The following TSPAN13 variants were observed in gnomAD, a reference collection of about 807,000 sequenced individuals.
TSPAN13 encodes tetraspanin-13.
A neutral mutation model predicts 26.9 loss-of-function variants in TSPAN13; 18 were observed. That is an observed-to-expected ratio of 0.67 (90% CI 0.46 to 0.99). The LOEUF is 0.99. Among genes scored for constraint, TSPAN13 ranks in the 50% least tolerant of loss-of-function variants. The pLI, the probability that TSPAN13 is intolerant of heterozygous loss-of-function variation, is 0.00. For missense variants in TSPAN13, 201 were observed against 249.6 expected, an observed-to-expected ratio of 0.81 and a Z score of 1.31; for synonymous variants, 116 against 98.4, an observed-to-expected ratio of 1.18 and a Z score of -1.06.
chr7:16,759,338 G>A (rs984170361), intron 1 of TSPAN13, among the ~76,000 whole-genome samples: 3 of 152,150 alleles, frequency 2.0e-5, no homozygotes, highest in African/African-American at 7.2e-5. Flanking sequence ...TTACAATCAT[G>A]GCAGAAGGGG....
chr7:16,771,514 G>A (rs73071801), intron 1 of TSPAN13, among the ~76,000 whole-genome samples: 6,862 of 152,316 alleles, frequency 0.045, 263 homozygotes, highest in African/African-American at 0.1. Flanking sequence ...CCTTGGAAGA[G>A]GGAGGAAAGA....
At chr7:16,771,136 C>CA (rs1161369182) in intron 1 of TSPAN13, among the ~76,000 whole-genome samples, 1 of 152,228 alleles carries the variant, frequency 6.6e-6, no homozygotes, top group Non-Finnish European at 1.5e-5. Flanking sequence ...TGGGACCCCA[C>CA]AGCACCAGCT....
intron 1 of TSPAN13, among the ~76,000 whole-genome samples, chr7:16,770,914 C>T (rs1784667065): frequency 6.6e-6 from 1 of 152,172 alleles, no homozygotes; most frequent in Non-Finnish European, 1.5e-5. Context: ...GTTTCTCTTT[C>T]TTGAAAACTT....
chr7:16,765,196 G>C (rs1360557585), intron 1 of TSPAN13, among the ~76,000 whole-genome samples: 1 of 152,062 alleles, frequency 6.6e-6, no homozygotes, highest in Non-Finnish European at 1.5e-5. Flanking sequence ...TTGACCTCCT[G>C]GGCTGAAGCT....
rs1784769399 is a variant in TSPAN13, at chr7:16,777,716, C to CT, written c.313-80dup. On this transcript the variant is annotated intron_variant, in intron 3 of 5. Coordinates refer to ENST00000262067, the MANE Select transcript of TSPAN13 (RefSeq NM_014399.4). Reference sequence around the variant, plus strand: ...TAAAATAAAAATTATTTTAGGTACACTTAGTACTAAAAGTTACAGGCTCCA... The same window carrying CT: ...TAAAATAAAAATTATTTTAGGTACACTTTAGTACTAAAAGTTACAGGCTCCA... 9.7e-6 allele frequency: 9 copies of CT among 924,138 alleles called. No individual in the cohort carries two copies. In the Admixed American group the frequency reaches 2.1e-4, roughly 21 times the overall value. 57.2% of individuals were successfully genotyped at this position (924,138 alleles called of 1,614,324 possible). A position where few individuals can be genotyped will look rare whatever the true frequency, so the allele number is the denominator to read the frequency against.
chr7:16,764,356 G>A (rs1210484426), intron 1 of TSPAN13, among the ~76,000 whole-genome samples: 1 of 152,020 alleles, frequency 6.6e-6, no homozygotes, highest in African/African-American at 2.4e-5. Context: ...ATTATTGTAT[G>A]TATCAATCTG....
intron 1 of TSPAN13, among the ~76,000 whole-genome samples, chr7:16,766,060 T>C (rs1380520452): frequency 2.0e-5 from 3 of 152,226 alleles, no homozygotes; most frequent in African/African-American, 4.8e-5. Context: ...TCCTTTTTAG[T>C]AAAGTTAAGG....
rs28372720 is a variant in TSPAN13, at chr7:16,753,796, AGCC to A, written c.-163_-161del. 0.38 allele frequency: 213,939 copies of A among 567,182 alleles called. 42,235 individuals are homozygous for A. Among genetic ancestry groups the A allele is most frequent in the African/African-American group, 0.44 (21,719 of 49,500 alleles). 35.1% of individuals were successfully genotyped at this position (567,182 alleles called of 1,614,324 possible). ...GGCCGCAGGTTCCAAAGCGGGTCCG[AGCC>A]GCCGCCGCGCGCGCGCCGCGCACTG... On this transcript the variant is annotated 5_prime_UTR_variant, in exon 1 of 6. Coordinates refer to ENST00000262067, the MANE Select transcript of TSPAN13 (RefSeq NM_014399.4).
chr7:16,755,327 G>A (rs1483850138), intron 1 of TSPAN13, among the ~76,000 whole-genome samples: 2 of 152,186 alleles, frequency 1.3e-5, no homozygotes, highest in Non-Finnish European at 2.9e-5. Flanking sequence ...AGGCAAGACA[G>A]AAACAGGCAT....
chr7:16,777,002 C>T, intron 2 of TSPAN13, 40 bp from the exon 3 acceptor site: 7 of 1,421,518 alleles, frequency 4.9e-6, no homozygotes, highest in Non-Finnish European at 5.9e-6. Context: ...TTATGCCATT[C>T]TAAGAATATT....
chr7:16,774,288 A>G (rs1020038757), intron 1 of TSPAN13, among the ~76,000 whole-genome samples: 7 of 152,118 alleles, frequency 4.6e-5, no homozygotes, highest in Non-Finnish European at 8.8e-5. Flanking sequence ...GTAGATATAG[A>G]TGTATTTCCT....
chr7:16,774,055 T>A (rs1293250552), intron 1 of TSPAN13, among the ~76,000 whole-genome samples: 1 of 152,228 alleles, frequency 6.6e-6, no homozygotes, highest in Non-Finnish European at 1.5e-5. Context: ...CTTTAAATCC[T>A]ATTACCTTCC....
At chr7:16,761,178 TA>T (rs1375221709) in intron 1 of TSPAN13, among the ~76,000 whole-genome samples, 1 of 152,122 alleles carries the variant, frequency 6.6e-6, no homozygotes, top group African/African-American at 2.4e-5. Flanking sequence ...TTTTGCCTAG[TA>T]AGTATAAAAG....
intron 1 of TSPAN13, among the ~76,000 whole-genome samples, chr7:16,761,722 CAG>C (rs1210000434): frequency 9.8e-6 from 1 of 101,926 alleles, no homozygotes; most frequent in African/African-American, 3.9e-5. Flanking sequence ...TTTGTAGAGA[CAG>C]GGGTCTTGCT....
intron 5 of TSPAN13, among the ~76,000 whole-genome samples, chr7:16,780,530 T>C (rs966122072): frequency 2.0e-5 from 3 of 152,214 alleles, no homozygotes; most frequent in South Asian, 4.1e-4. Context: ...AAAAATGATA[T>C]ACAGCTTGAC....
chr7:16,757,113 G>T, intron 1 of TSPAN13, among the ~76,000 whole-genome samples: 1 of 152,200 alleles, frequency 6.6e-6, no homozygotes, highest in South Asian at 2.1e-4. Context: ...ATTAAATGGC[G>T]TATAAGGAAT....
Position 16,775,360 on chromosome 7 carries a change from TTATAAATA to T in TSPAN13, c.64-847_64-840del, listed in dbSNP as rs1458179877. Among the ~76,000 whole-genome samples, 3 of 152,216 alleles carry T rather than the reference TTATAAATA, an allele frequency of 2.0e-5. No individual in the cohort carries two copies. The East Asian group carries it at 5.8e-4, about 29-fold the overall frequency. ...CATGTGTTCTTCAACCAGTGTTGTT[TTATAAATA>T]TATGAATAAAACAATTGGCATATCA... is the stretch of plus-strand genomic sequence containing the variant. On this transcript the variant is annotated intron_variant, in intron 1 of 5. Coordinates refer to ENST00000262067, the MANE Select transcript of TSPAN13 (RefSeq NM_014399.4).
At chr7:16,780,259 C>A (rs1784801097) in intron 5 of TSPAN13, among the ~76,000 whole-genome samples, 1 of 151,856 alleles carries the variant, frequency 6.6e-6, no homozygotes, top group African/African-American at 2.4e-5. Context: ...ACCACTACAC[C>A]CAGCTAATTT....
chr7:16,763,911 C>T (rs937343084), intron 1 of TSPAN13, among the ~76,000 whole-genome samples: 5 of 152,200 alleles, frequency 3.3e-5, no homozygotes, highest in African/African-American at 1.2e-4. Context: ...TCTAGCATAT[C>T]CTAGCAATTT....
Sources: allele counts gnomAD v4.1 joint callset (sites outside exome capture counted in the v4.1 genomes callset), GRCh38; gene constraint gnomAD v4.1.1; transcripts MANE v1.5; gene names NCBI Gene and HGNC (gene_info 2026-07-23, HGNC 2026-07-21).